The following ATP8A2 variants were observed in gnomAD, a reference collection of about 807,000 sequenced individuals.
The protein encoded by ATP8A2 is ATPase phospholipid transporting 8A2, also known as phospholipid-transporting ATPase IB.
Under a neutral mutation model 165.6 loss-of-function variants are expected in ATP8A2, and 100 were observed. The observed-to-expected ratio is 0.60, with a 90% CI of 0.51 to 0.71. The LOEUF (loss-of-function observed/expected upper bound fraction) is 0.71. ATP8A2 is among the 30% of genes least tolerant of loss of function. ATP8A2 has a pLI of 0.00. For missense variants in ATP8A2, 1,227 were observed against 1,479.5 expected, an observed-to-expected ratio of 0.83 and a Z score of 2.80; for synonymous variants, 543 against 548.8, an observed-to-expected ratio of 0.99 and a Z score of 0.15.
At chr13:25,548,229 A>AAAAC (rs76570812) in intron 10 of ATP8A2, among the ~76,000 whole-genome samples, 6,288 of 152,166 alleles carry the variant, frequency 0.041, 152 homozygotes, top group Non-Finnish European at 0.051. Flanking sequence ...CTGTCTCCAA[A>AAAAC]AAACAAACAA....
At chr13:25,449,540 G>A (rs944466738) in intron 1 of ATP8A2, among the ~76,000 whole-genome samples, 1 of 152,168 alleles carries the variant, frequency 6.6e-6, no homozygotes, top group Non-Finnish European at 1.5e-5. Flanking sequence ...TTGTGGGATG[G>A]AGTGTTCCCT....
rs1241708240 is a variant in ATP8A2, at chr13:25,567,318, T to C, written c.1473+3287T>C. On this transcript the variant is annotated intron_variant, in intron 16 of 36. Transcript: ENST00000381655. Reference sequence around the variant, plus strand: ...TAATACCTCTCCCATTGCCTTCCCCTACCCACTGCTTTTTCCTGACTCCTC... The same window carrying C: ...TAATACCTCTCCCATTGCCTTCCCCCACCCACTGCTTTTTCCTGACTCCTC... 6.6e-6 allele frequency: 3 copies of C among 456,622 alleles called. No individual in the cohort carries two copies. In the Admixed American group the frequency reaches 7.0e-5, roughly 11 times the overall value. The allele number at this position is 456,622 out of a possible 1,614,324, so 28.3% of individuals were successfully genotyped here.
intron 27 of ATP8A2, among the ~76,000 whole-genome samples, chr13:25,811,731 T>A (rs374746075): frequency 6.6e-6 from 1 of 152,128 alleles, no homozygotes; most frequent in East Asian, 1.9e-4. Context: ...CGTGGTGGCA[T>A]GTTCCTATAG....
chr13:25,491,845 A>G (rs867789773), intron 2 of ATP8A2, among the ~76,000 whole-genome samples: 2 of 152,200 alleles, frequency 1.3e-5, no homozygotes, highest in Non-Finnish European at 2.9e-5. Flanking sequence ...AGGTGTTTAT[A>G]CCTTTGATAG....
Position 25,871,095 on chromosome 13 carries a change from G to A in ATP8A2, c.3183+8687G>A, listed in dbSNP as rs1005018191. 10 of 267,392 alleles carry A rather than the reference G, an allele frequency of 3.7e-5. No homozygotes were observed. The East Asian group carries it at 4.9e-4, about 13-fold the overall frequency. The allele number at this position is 267,392 out of a possible 1,614,324, so 16.6% of individuals were successfully genotyped here. On this transcript the variant is annotated intron_variant, in intron 33 of 36. Transcript: ENST00000381655. The stretch of plus-strand genomic sequence containing the variant: ...GCTGTGTGTTAATTAGAGGCCCCGC[G>A]GCTTTGATTGAGTGGTTTTTTTTTT...
At chr13:25,800,559 C>T (rs940611548) in intron 27 of ATP8A2, among the ~76,000 whole-genome samples, 3 of 152,152 alleles carry the variant, frequency 2.0e-5, no homozygotes, top group Non-Finnish European at 4.4e-5. Context: ...GTGTGGCAGG[C>T]TCCTGGACAC....
intron 24 of ATP8A2, among the ~76,000 whole-genome samples, chr13:25,679,232 C>T (rs2042433665): frequency 6.6e-6 from 1 of 152,110 alleles, no homozygotes; most frequent in Non-Finnish European, 1.5e-5. Flanking sequence ...AGATGATAGG[C>T]TTTGTTTTGG....
At chr13:26,010,462 G>T (rs933080588) in intron 35 of ATP8A2, among the ~76,000 whole-genome samples, 1 of 152,372 alleles carries the variant, frequency 6.6e-6, no homozygotes, top group East Asian at 1.9e-4. Context: ...GGGCCTGGCT[G>T]GTGAGGCTAC....
At chr13:25,825,408 C>G (rs1005232042) in intron 27 of ATP8A2, among the ~76,000 whole-genome samples, 9 of 151,896 alleles carry the variant, frequency 5.9e-5, no homozygotes, top group Non-Finnish European at 1.0e-4. Flanking sequence ...GTTCTCTCCC[C>G]CTGGCCTCCC....
intron 1 of ATP8A2, among the ~76,000 whole-genome samples, chr13:25,411,430 G>C (rs1226172964): frequency 6.6e-6 from 1 of 152,150 alleles, no homozygotes. Context: ...AAATCACTTA[G>C]CTTTCTCAGA....
chr13:25,929,445 T>C (rs1409217789), intron 33 of ATP8A2, among the ~76,000 whole-genome samples: 1 of 152,238 alleles, frequency 6.6e-6, no homozygotes, highest in Non-Finnish European at 1.5e-5. Context: ...CAGAATTACA[T>C]TGGGTCACAA....
At chr13:25,445,778 G>GCT (rs1266705719) in intron 1 of ATP8A2, among the ~76,000 whole-genome samples, 1 of 152,118 alleles carries the variant, frequency 6.6e-6, no homozygotes, top group Non-Finnish European at 1.5e-5. Context: ...GCATGCACGG[G>GCT]CTTGGTGGAT....
intron 24 of ATP8A2, among the ~76,000 whole-genome samples, chr13:25,631,228 G>T (rs2041233075): frequency 6.6e-6 from 1 of 152,176 alleles, no homozygotes; most frequent in Non-Finnish European, 1.5e-5. Context: ...CTGCAGTGAT[G>T]GTGAGGCTCA....
At position 25,699,355 on chromosome 13, in the gene ATP8A2, TGC is replaced by T; in HGVS notation, c.2384+11_2384+12del. On this transcript the variant is annotated intron_variant, in intron 25 of 36. Transcript: ENST00000381655. ...CGGTCATATGCTGCAGGTAGGAACC[TGC>T]AGGCTGTGCACAGTTCACACTCTGC... is the stretch of plus-strand genomic sequence containing the variant. 1 of 1,602,110 alleles carries T rather than the reference TGC, an allele frequency of 6.2e-7. No individual in the cohort carries two copies. Among genetic ancestry groups the T allele is most frequent in the African/African-American group, 1.3e-5 (1 of 74,780 alleles).
intron 2 of ATP8A2, among the ~76,000 whole-genome samples, chr13:25,520,594 T>G (rs975509942): frequency 4.0e-5 from 6 of 148,388 alleles, no homozygotes; most frequent in Non-Finnish European, 7.4e-5. Context: ...ATTTTTAGTT[T>G]TTTTTTTTTT....
At chr13:25,704,001 T>G (rs1344621489) in intron 25 of ATP8A2, among the ~76,000 whole-genome samples, 1 of 152,234 alleles carries the variant, frequency 6.6e-6, no homozygotes, top group Admixed American at 6.5e-5. Context: ...AAATGTTTGT[T>G]GAATTAAAAA....
chr13:25,708,284 T>C (rs1313882910), intron 25 of ATP8A2, among the ~76,000 whole-genome samples: 1 of 152,212 alleles, frequency 6.6e-6, no homozygotes, highest in Non-Finnish European at 1.5e-5. Flanking sequence ...AAGTCTTGCC[T>C]TGTGATGGTA....
At chr13:25,748,677 T>C (rs1226674937) in intron 25 of ATP8A2, among the ~76,000 whole-genome samples, 4 of 152,176 alleles carry the variant, frequency 2.6e-5, no homozygotes, top group Non-Finnish European at 5.9e-5. Context: ...GGTTTAGATG[T>C]TTCTGCTTCA....
intron 2 of ATP8A2, among the ~76,000 whole-genome samples, chr13:25,479,212 T>C (rs922725761): frequency 3.3e-5 from 5 of 152,224 alleles, no homozygotes; most frequent in Admixed American, 2.0e-4. Flanking sequence ...GTGCTATCAT[T>C]GTTAGTTATT....
Sources: gnomAD v4.1 joint callset for allele counts (sites outside exome capture counted in the v4.1 genomes callset) on GRCh38, gnomAD v4.1.1 for gene constraint, MANE v1.5 for transcripts, NCBI Gene and HGNC (gene_info 2026-07-23, HGNC 2026-07-21) for gene names.